EVL: variants seen among roughly 807,000 people sequenced by gnomAD.
EVL encodes the protein Enah/Vasp-like.
EVL carries 21 observed loss-of-function variants against 59.6 expected under a neutral mutation model. That is an observed-to-expected ratio of 0.35 (90% CI 0.25 to 0.51). The LOEUF (loss-of-function observed/expected upper bound fraction) is 0.51, where lower values mean the gene tolerates loss of function less well. Among genes scored for constraint, EVL ranks in the 20% least tolerant of loss-of-function variants. EVL has a pLI of 0.97. For missense variants in EVL, 462 were observed against 546.6 expected (o/e 0.85, Z 1.54); for synonymous variants, 198 against 203.5 (o/e 0.97, Z 0.23).
In EVL at chr14:100,002,224, C is replaced by T. The variant is rs146629372; in HGVS notation, c.5+30167C>T. Among the ~76,000 whole-genome samples the T allele has an allele frequency of 2.5e-3, 382 of 152,242 alleles. 4 individuals carry two copies. Among genetic ancestry groups the T allele is most frequent in the African/African-American group, 8.0e-3 (334 of 41,520 alleles). ...CTCTCCATGAGTCCTGAAAGTTTTTCGTCATCCTGATGTCACAATCTCCAA... is the reference window on the plus strand; with the variant it reads ...CTCTCCATGAGTCCTGAAAGTTTTTTGTCATCCTGATGTCACAATCTCCAA... On this transcript the variant is annotated intron_variant, in intron 1 of 13. Coordinates refer to the EVL transcript ENST00000402714.
In EVL at chr14:100,084,736, A is replaced by T. The variant is rs2062399734; in HGVS notation, c.61A>T (p.Thr21Ser). 5.6e-6 allele frequency: 9 copies of T among 1,614,072 alleles called. No individual in the cohort carries two copies. The highest frequency in any genetic ancestry group is 6.8e-6 in the Non-Finnish European group (8 of 1,180,040). ...GGCTTCCGTGATGGTCTACGATGAC[A>T]CCAGTAAGAAATGGGTACCAATCAA... ...ARASVMVYDD[T>S]SKKWVPIKPG... The change falls in exon 2 of 14, where the codon ACC becomes TCC. Residue 21 changes from threonine to serine, a missense_variant. Thr to Ser is a moderately conservative substitution (Grantham distance 58). Coordinates refer to ENST00000392920, the MANE Select transcript of EVL (RefSeq NM_016337.3).
intron 1 of EVL, among the ~76,000 whole-genome samples, chr14:99,993,896 G>T (rs1297944640): frequency 2.6e-5 from 4 of 151,540 alleles, no homozygotes; most frequent in African/African-American, 9.7e-5. Context: ...GTTTCACCAT[G>T]TTGGCCAGGC....
intron 1 of EVL, among the ~76,000 whole-genome samples, chr14:100,073,493 T>A (rs1268029637): frequency 1.3e-5 from 2 of 151,984 alleles, no homozygotes; most frequent in African/African-American, 4.8e-5. Flanking sequence ...GGCTAACACT[T>A]TTTTATTTTG....
chr14:100,024,527 A>C (rs567198044), intron 1 of EVL, among the ~76,000 whole-genome samples: 1 of 152,340 alleles, frequency 6.6e-6, no homozygotes, highest in Non-Finnish European at 1.5e-5. Context: ...GCTGTGTGCC[A>C]ATCACTGCTG....
In EVL at chr14:100,114,161, A is replaced by G. The variant is rs557666476; in HGVS notation, c.359-9378A>G. ...ATGGAGTCCAGCAAGGAGCGAAGCG[A>G]AGGAGGGCCGGGGGGGAATCAAATG... On this transcript the variant is annotated intron_variant, in intron 3 of 13. Transcript: ENST00000392920. The surrounding 1 kb of genome is among the most constrained non-coding windows in gnomAD (Gnocchi z 5.0). 6.9e-4 allele frequency among the ~76,000 whole-genome samples: 71 copies of G among 102,228 alleles called. 3 individuals carry two copies. In the East Asian group the frequency reaches 0.018, roughly 26 times the overall value. The allele number at this position is 102,228 out of a possible 152,430, so 67.1% of individuals were successfully genotyped here.
chr14:100,081,326 C>T (rs1027789275), intron 1 of EVL, among the ~76,000 whole-genome samples: 1 of 151,940 alleles, frequency 6.6e-6, no homozygotes, highest in Non-Finnish European at 1.5e-5. Context: ...CAAAAAATTT[C>T]AAAGGTATAA....
intron 1 of EVL, among the ~76,000 whole-genome samples, chr14:100,051,962 A>G (rs978027773): frequency 2.6e-5 from 4 of 152,224 alleles, no homozygotes; most frequent in Non-Finnish European, 5.9e-5. Flanking sequence ...ACCTCAGGAC[A>G]TAATACCTCG....
In EVL at chr14:99,997,773, C is replaced by G. The variant is rs140577957; in HGVS notation, c.5+25716C>G. 2.2e-3 allele frequency among the ~76,000 whole-genome samples: 328 copies of G among 152,318 alleles called. 1 individual carries two copies. The highest frequency in any genetic ancestry group is 3.5e-3 in the Non-Finnish European group (239 of 68,030). On this transcript the variant is annotated intron_variant, in intron 1 of 13. Coordinates refer to the EVL transcript ENST00000402714. ...AAACTCTGTTCCCTGATGTCAACCT[C>G]TGCCCTACTCTTCATTAAGCAGAGC...
chr14:100,090,569 T>C (rs1464439010), intron 2 of EVL, among the ~76,000 whole-genome samples: 1 of 152,206 alleles, frequency 6.6e-6, no homozygotes, highest in Admixed American at 6.5e-5. Flanking sequence ...AAACGATTAA[T>C]GACTTGAATC....
At chr14:100,125,122 CCA>C (rs57005382) in intron 4 of EVL, among the ~76,000 whole-genome samples, 1,448 of 103,050 alleles carry the variant, frequency 0.014, 62 homozygotes, top group African/African-American at 0.051. Context: ...CAAGGCGGGA[CCA>C]CACACACACA....
intron 3 of EVL, among the ~76,000 whole-genome samples, chr14:100,117,218 G>A (rs971152694): frequency 2.6e-5 from 4 of 152,312 alleles, no homozygotes; most frequent in African/African-American, 4.8e-5. Flanking sequence ...AGGTCAGACC[G>A]GGTGGCTCCT....
chr14:100,121,253 C>G (rs1887679225), intron 3 of EVL, among the ~76,000 whole-genome samples: 1 of 152,174 alleles, frequency 6.6e-6, no homozygotes, highest in South Asian at 2.1e-4. Flanking sequence ...CAAGGGCCAC[C>G]AGCAGTCTGC....
chr14:100,111,148 ATTTTTTTTT>A lies in EVL; in HGVS notation c.359-12374_359-12366del, dbSNP rs35367426. On this transcript the variant is annotated intron_variant, in intron 3 of 13. Coordinates refer to ENST00000392920, the MANE Select transcript of EVL (RefSeq NM_016337.3). ...CACCATTCTAAGCCTTAGTGTCCTC[ATTTTTTTTT>A]TTTTTTTTTTTTTTTTGTGATAGAG... Among the ~76,000 whole-genome samples, 8 of 86,796 alleles carry A rather than the reference ATTTTTTTTT, an allele frequency of 9.2e-5. No individual in the cohort carries two copies. In the Admixed American group the frequency reaches 1.2e-3, roughly 13 times the overall value. 56.9% of individuals were successfully genotyped at this position (86,796 alleles called of 152,430 possible).
intron 1 of EVL, among the ~76,000 whole-genome samples, chr14:100,029,685 G>T (rs1048043508): frequency 6.6e-6 from 1 of 152,176 alleles, no homozygotes; most frequent in Non-Finnish European, 1.5e-5. Context: ...GCCTTGGAGG[G>T]TATAGGATTG....
chr14:100,125,124 A>C (rs1210078199), intron 4 of EVL, among the ~76,000 whole-genome samples: 1 of 117,866 alleles, frequency 8.5e-6, no homozygotes, highest in African/African-American at 4.3e-5. Context: ...AGGCGGGACC[A>C]CACACACACA....
chr14:99,986,290 CAA>C (rs3072366), intron 1 of EVL, among the ~76,000 whole-genome samples: 223 of 78,430 alleles, frequency 2.8e-3, no homozygotes, highest in Admixed American at 0.01. Context: ...GACTCTGTCT[CAA>C]AAAAAAAAAA....
In EVL at chr14:100,097,662, A is replaced by C. The variant is rs1885912294; in HGVS notation, c.358+4A>C. 1 of 1,607,212 alleles carries C rather than the reference A, an allele frequency of 6.2e-7. No homozygotes were observed. The highest frequency in any genetic ancestry group is 1.1e-5 in the South Asian group (1 of 89,914). ...ATCATGAATTCCCAAGAAGGAGGTA[A>C]GTAGGGCTTTGTCTTGGCCTGATGC... is the stretch of plus-strand genomic sequence containing the variant. On this transcript the variant is annotated splice_donor_region_variant and intron_variant, in intron 3 of 13. Transcript: ENST00000392920.
intron 1 of EVL, among the ~76,000 whole-genome samples, chr14:100,044,736 G>A (rs2061522547): frequency 6.6e-6 from 1 of 152,140 alleles, no homozygotes; most frequent in African/African-American, 2.4e-5. Context: ...CCTAAGCAGG[G>A]GTGGTCCTCG....
At chr14:99,971,449 G>C (rs971959625) in exon 1 of EVL, 1 of 151,698 alleles carries the variant, frequency 6.6e-6, no homozygotes, top group African/African-American at 2.4e-5. Context: ...AGGCGCGGAC[G>C]GTGGGGCCCC....
Sources: allele counts gnomAD v4.1 joint callset (sites outside exome capture counted in the v4.1 genomes callset), GRCh38; gene constraint gnomAD v4.1.1; non-coding constraint Gnocchi (gnomAD v3.1); transcripts MANE v1.5; gene names NCBI Gene and HGNC (gene_info 2026-07-23, HGNC 2026-07-21).